The following ZNF25 variants were observed in gnomAD, a reference collection of about 807,000 sequenced individuals.
The protein encoded by ZNF25 is zinc finger protein 25 (KOX 19).
ZNF25 carries 21 observed loss-of-function variants against 30.9 expected under a neutral mutation model. The observed-to-expected ratio is 0.68, with a 90% CI of 0.48 to 0.98. The LOEUF (loss-of-function observed/expected upper bound fraction) is 0.98, where lower values mean the gene tolerates loss of function less well. Among genes scored for constraint, ZNF25 ranks in the 50% least tolerant of loss-of-function variants. The pLI is 0.00. For synonymous variants in ZNF25, 169 were observed against 181.3 expected, an observed-to-expected ratio of 0.93 and a Z score of 0.55; for missense variants, 501 against 529.9, an observed-to-expected ratio of 0.95 and a Z score of 0.54.
rs2062150578 is a variant in ZNF25 at position 37,951,653 on chromosome 10, C to A, written c.*474G>T. The A allele has an allele frequency of 6.5e-6, 1 of 153,584 alleles. No individual in the cohort carries two copies. The allele number at this position is 153,584 out of a possible 1,614,324, so 9.5% of individuals were successfully genotyped here. A position where few individuals can be genotyped will look rare whatever the true frequency, so the allele number is the denominator to read the frequency against. On this transcript the variant is annotated 3_prime_UTR_variant, in exon 6 of 6. Coordinates refer to ENST00000302609, the MANE Select transcript of ZNF25 (RefSeq NM_145011.4). ...CAATTCTTAATAAAGGCTTCTATAT[C>A]TACCAGTGTCTTTGCAGTTATCCCT...
At position 37,951,477 on chromosome 10, in the gene ZNF25, T is replaced by C. The variant is rs1310105400; in HGVS notation, c.*650A>G. 6.6e-6 allele frequency: 1 copy of C among 152,218 alleles called. No individual in the cohort carries two copies. Among genetic ancestry groups the C allele is most frequent in the Non-Finnish European group, 1.5e-5 (1 of 68,042 alleles). The allele number at this position is 152,218 out of a possible 1,614,324, so 9.4% of individuals were successfully genotyped here. A position where few individuals can be genotyped will look rare whatever the true frequency, so the allele number is the denominator to read the frequency against. On this transcript the variant is annotated 3_prime_UTR_variant, in exon 6 of 6. Transcript: ENST00000302609. ...TATGTAGACATTTGCAGGTTTCCTT[T>C]TAAAATAGAGCAATCTCGGCATCAG...
chr10:37,975,947 C>T (rs1393866782), intron 1 of ZNF25, among the ~76,000 whole-genome samples: 2 of 152,192 alleles, frequency 1.3e-5, no homozygotes, highest in African/African-American at 4.8e-5. Flanking sequence ...AAACGGATTT[C>T]TCTCTCTGAA....
chr10:37,961,629 A>G (rs1440082624), intron 2 of ZNF25, among the ~76,000 whole-genome samples: 1 of 152,218 alleles, frequency 6.6e-6, no homozygotes, highest in African/African-American at 2.4e-5. Context: ...ATCAGATATA[A>G]AAGCTAATAG....
chr10:37,952,044 G>A lies in ZNF25; in HGVS notation c.*83C>T, dbSNP rs2062167545. On this transcript the variant is annotated 3_prime_UTR_variant, in exon 6 of 6. Transcript: ENST00000302609. ...TAGCTGAAAATTTCCCTCTATTGAT[G>A]CGATTCATAAGGTGTACCTCTTGTG... 3 of 1,327,760 alleles carry A rather than the reference G, an allele frequency of 2.3e-6. No homozygotes were observed. Among genetic ancestry groups the A allele is most frequent in the Non-Finnish European group, 2.1e-6 (2 of 975,530 alleles). 82.2% of individuals were successfully genotyped at this position (1,327,760 alleles called of 1,614,324 possible).
chr10:37,958,959 G>A (rs997192592), intron 2 of ZNF25, among the ~76,000 whole-genome samples: 4 of 152,202 alleles, frequency 2.6e-5, no homozygotes, highest in African/African-American at 9.6e-5. Flanking sequence ...TGAGCCAAGA[G>A]AATGGCTTGA....
chr10:37,952,294 C>G lies in ZNF25; in HGVS notation c.1204G>C (p.Glu402Gln). Residue 402 changes from glutamate to glutamine, a missense_variant, in exon 6 of 6, where the codon GAA becomes CAA. Physicochemically the swap from Glu to Gln is conservative, Grantham distance 29. Transcript: ENST00000302609. The stretch of plus-strand genomic sequence containing the variant: ...TTCTGAGAAAAGGACTTCCCACATT[C>G]CTTGCATGCATAGGGCTTCTCTCCT... ...HTGEKPYACKECGKSFSQKSH... is the reference protein window; with the variant it reads ...HTGEKPYACKQCGKSFSQKSH... 3.1e-6 allele frequency: 5 copies of G among 1,612,648 alleles called. 1 individual carries two copies. The South Asian group carries it at 5.5e-5, about 18-fold the overall frequency.
chr10:37,965,861 A>T (rs1227283900), intron 2 of ZNF25, among the ~76,000 whole-genome samples: 1 of 152,204 alleles, frequency 6.6e-6, no homozygotes, highest in Non-Finnish European at 1.5e-5. Context: ...ATGCAAAAAT[A>T]TAATTTGTGA....
intron 2 of ZNF25, among the ~76,000 whole-genome samples, chr10:37,964,387 A>C (rs186681936): frequency 6.6e-6 from 1 of 152,338 alleles, no homozygotes; most frequent in East Asian, 1.9e-4. Context: ...GAAACTTCTA[A>C]GAGACGGATT....
intron 2 of ZNF25, among the ~76,000 whole-genome samples, chr10:37,964,040 A>T (rs994019603): frequency 2.6e-5 from 4 of 152,110 alleles, no homozygotes; most frequent in Non-Finnish European, 5.9e-5. Flanking sequence ...TCTTGCTCCC[A>T]CTGTCACTAT....
At chr10:37,959,196 G>A (rs899495750) in intron 2 of ZNF25, among the ~76,000 whole-genome samples, 1 of 151,784 alleles carries the variant, frequency 6.6e-6, no homozygotes, top group African/African-American at 2.4e-5. Flanking sequence ...TAGAAACCAG[G>A]AGCCACTGAA....
chr10:37,972,916 C>G (rs2063574391), intron 1 of ZNF25, among the ~76,000 whole-genome samples: 1 of 152,036 alleles, frequency 6.6e-6, no homozygotes, highest in Non-Finnish European at 1.5e-5. Flanking sequence ...GCCTGTAATC[C>G]CAGCATTTTG....
At chr10:37,963,210 C>T (rs1161719592) in intron 2 of ZNF25, among the ~76,000 whole-genome samples, 1 of 151,982 alleles carries the variant, frequency 6.6e-6, no homozygotes, top group Non-Finnish European at 1.5e-5. Flanking sequence ...ACAACCTCTG[C>T]CTCCCGGGTT....
At position 37,952,625 on chromosome 10, in the gene ZNF25, A is replaced by G. The variant is rs2062225086; in HGVS notation, c.873T>C (p.Cys291=). The change falls in exon 6 of 6, where the codon TGT becomes TGC. Residue 291 remains cysteine (C), a synonymous_variant. Coordinates refer to ENST00000302609, the MANE Select transcript of ZNF25 (RefSeq NM_145011.4). Reference sequence around the variant, plus strand: ...GTGAATTCCTAGAGAAGAATTTCCCACATTCCTTACATTTATAGGGTTTCT... The same window carrying G: ...GTGAATTCCTAGAGAAGAATTTCCCGCATTCCTTACATTTATAGGGTTTCT... ...TGEKPYKCKE[C]GKFFSRNSHL... is the part of the protein sequence containing the mutation. The G allele has an allele frequency of 6.2e-7, 1 of 1,613,810 alleles. No individual in the cohort carries two copies.
rs537807025 is a variant in ZNF25, at chr10:37,949,933, T to C, written c.*2194A>G. 3.3e-5 allele frequency: 5 copies of C among 152,776 alleles called. No individual in the cohort carries two copies. The East Asian group carries it at 9.6e-4, about 29-fold the overall frequency. 9.5% of individuals were successfully genotyped at this position (152,776 alleles called of 1,614,324 possible). A position where few individuals can be genotyped will look rare whatever the true frequency, so the allele number is the denominator to read the frequency against. On this transcript the variant is annotated 3_prime_UTR_variant, in exon 6 of 6. Transcript: ENST00000302609. ...CATCAAGAAATTTCTTGTTTTGATG[T>C]TATGACAATTTAGCAAGTAAAAAAC...
intron 1 of ZNF25, among the ~76,000 whole-genome samples, chr10:37,975,751 A>G (rs1345575696): frequency 2.0e-5 from 3 of 152,182 alleles, no homozygotes; most frequent in Non-Finnish European, 2.9e-5. Flanking sequence ...TTCCCCAAGC[A>G]TTTTTGGAAA....
At chr10:37,963,986 A>G (rs904606331) in intron 2 of ZNF25, among the ~76,000 whole-genome samples, 3 of 152,030 alleles carry the variant, frequency 2.0e-5, no homozygotes, top group Non-Finnish European at 4.4e-5. Flanking sequence ...AAAAATAAAT[A>G]AGCAAATAAA....
chr10:37,970,916 T>C (rs966091461), intron 2 of ZNF25, among the ~76,000 whole-genome samples: 2 of 152,208 alleles, frequency 1.3e-5, no homozygotes, highest in Non-Finnish European at 2.9e-5. Context: ...CATTCCTCAC[T>C]TCTCTGTATC....
intron 2 of ZNF25, among the ~76,000 whole-genome samples, chr10:37,959,557 A>G (rs2062729453): frequency 6.6e-6 from 1 of 152,176 alleles, no homozygotes; most frequent in African/African-American, 2.4e-5. Flanking sequence ...TCTGAAAGGC[A>G]GTATTTTTAC....
chr10:37,953,211 C>T lies in ZNF25; in HGVS notation c.303-16G>A, dbSNP rs751022450. ...TTCTCCATTCCTAGACAGAAAGTTC[C>T]ACATTCATTAATGTGTAAGACTTTT... is the stretch of plus-strand genomic sequence containing the variant. On this transcript the variant is annotated splice_polypyrimidine_tract_variant and intron_variant, in intron 5 of 5. Transcript: ENST00000302609. 1 of 1,557,118 alleles carries T rather than the reference C, an allele frequency of 6.4e-7. No individual in the cohort carries two copies. The highest frequency in any genetic ancestry group is 2.1e-5 in the Admixed American group (1 of 47,132).
Sources: allele counts gnomAD v4.1 joint callset (sites outside exome capture counted in the v4.1 genomes callset), GRCh38; gene constraint gnomAD v4.1.1; transcripts MANE v1.5; gene names NCBI Gene and HGNC (gene_info 2026-07-23, HGNC 2026-07-21).